LGALS8: variants seen among roughly 807,000 people sequenced by gnomAD.
The protein encoded by LGALS8 is galectin-8.
In LGALS8, 30 loss-of-function variants were observed where a neutral mutation model predicts 35.9. The observed-to-expected ratio is 0.83, with a 90% confidence interval of 0.62 to 1.13. The LOEUF (loss-of-function observed/expected upper bound fraction) is 1.13, where lower values mean the gene tolerates loss of function less well. Among genes scored for constraint, LGALS8 ranks in the 50% most tolerant of loss-of-function variants. The pLI is 0.00. For missense variants in LGALS8, 366 were observed against 388.7 expected (o/e 0.94, Z 0.49); for synonymous variants, 138 against 136.1 (o/e 1.01, Z -0.10).
chr1:236,523,733 T>C (rs149155226), upstream of LGALS8: 192 of 276,166 alleles, frequency 7.0e-4, no homozygotes, highest in Admixed American at 1.4e-3. Flanking sequence ...ACACATTCTT[T>C]GTCCTTATCC....
chr1:236,540,560 C>G lies in LGALS8; in HGVS notation c.346-4C>G, dbSNP rs1027437486. ...GGGGGGCTCTGTCTTCTGTATCTCT[C>G]TAGGTGGCTGTAAATGGAAAACATA... On this transcript the variant is annotated splice_region_variant and splice_polypyrimidine_tract_variant and intron_variant, in intron 4 of 9. Coordinates refer to ENST00000366584, the MANE Select transcript of LGALS8 (RefSeq NM_201544.4). 1.4e-5 allele frequency: 23 copies of G among 1,595,516 alleles called. No homozygotes were observed. The highest frequency in any genetic ancestry group is 2.0e-5 in the Non-Finnish European group (23 of 1,171,898).
intron 8 of LGALS8, among the ~76,000 whole-genome samples, chr1:236,544,243 G>A (rs913918272): frequency 3.9e-5 from 6 of 152,282 alleles, no homozygotes; most frequent in South Asian, 2.1e-4. Context: ...GAGTCACCAC[G>A]CCCAGCCCAG....
At position 236,540,663 on chromosome 1, in the gene LGALS8, A is replaced by G. The variant is rs749647686; in HGVS notation, c.445A>G (p.Ile149Val). 8.1e-6 allele frequency: 13 copies of G among 1,610,826 alleles called. No homozygotes were observed. Among genetic ancestry groups the G allele is most frequent in the East Asian group, 2.2e-5 (1 of 44,710 alleles). ...GIYGKVNIHS[I>V]GFSFSSDLQS... The stretch of plus-strand genomic sequence containing the variant: ...TTATGGCAAAGTGAATATTCACTCA[A>G]TTGGTTTTAGCTTCAGCTCGGTGAG... Residue 149 changes from isoleucine (I) to valine (V), a missense_variant, in exon 5 of 10, where the codon ATT becomes GTT. By Grantham distance (29) the Ile-to-Val change is conservative. Transcript: ENST00000366584.
At chr1:236,537,021 C>CTTTTTTT (rs60024224) in intron 2 of LGALS8, among the ~76,000 whole-genome samples, 7 of 137,848 alleles carry the variant, frequency 5.1e-5, no homozygotes, top group African/African-American at 2.0e-4. Context: ...TATGCAGTTC[C>CTTTTTTT]TTTTTTTTTT....
At chr1:236,524,744 TGGCAACTC>T (rs557253410) in intron 1 of LGALS8, 366 of 240,064 alleles carry the variant, frequency 1.5e-3, no homozygotes, top group African/African-American at 7.8e-3. Flanking sequence ...TACATGTGTA[TGGCAACTC>T]GGCATCCATT....
Position 236,551,121 on chromosome 1 carries a change from T to A in LGALS8, c.*2960T>A. On this transcript the variant is annotated 3_prime_UTR_variant, in exon 10 of 10. Coordinates refer to ENST00000366584, the MANE Select transcript of LGALS8 (RefSeq NM_201544.4). ...ATCAAAAGAGTGAAATGAAGCACAT[T>A]AACAAAGCAGGAGGCGCCACGGACC... 1 of 734,694 alleles carries A rather than the reference T, an allele frequency of 1.4e-6. No homozygotes were observed. The highest frequency in any genetic ancestry group is 2.1e-6 in the Non-Finnish European group (1 of 466,694). 45.5% of individuals were successfully genotyped at this position (734,694 alleles called of 1,614,324 possible).
chr1:236,544,653 A>G (rs1258554157), intron 8 of LGALS8, 97 bp from the exon 9 acceptor site: 1 of 891,220 alleles, frequency 1.1e-6, no homozygotes, highest in Non-Finnish European at 1.7e-6. Flanking sequence ...TAGAGTTAGA[A>G]TCATAGTTCA....
Position 236,540,552 on chromosome 1 carries a change from G to A in LGALS8, c.346-12G>A. ...GGTGGCGGGGGGGGCTCTGTCTTCT[G>A]TATCTCTCTAGGTGGCTGTAAATGG... On this transcript the variant is annotated splice_polypyrimidine_tract_variant and intron_variant, in intron 4 of 9. Transcript: ENST00000366584. 1.3e-6 allele frequency: 2 copies of A among 1,549,076 alleles called. No individual in the cohort carries two copies. The highest frequency in any genetic ancestry group is 2.1e-5 in the Admixed American group (1 of 48,460).
chr1:236,528,820 C>G (rs1213510824), intron 2 of LGALS8, among the ~76,000 whole-genome samples: 2 of 152,120 alleles, frequency 1.3e-5, no homozygotes. Flanking sequence ...CATGCCTGGC[C>G]TATTTCTAAT....
At chr1:236,519,704 G>A (rs953063019), upstream of LGALS8, among the ~76,000 whole-genome samples, 1 of 152,092 alleles carries the variant, frequency 6.6e-6, no homozygotes, top group Non-Finnish European at 1.5e-5. Context: ...TTCTTTGGGG[G>A]AAAAAGTTCC....
At chr1:236,540,417 C>T (rs1216519810) in intron 4 of LGALS8, 147 bp from the exon 5 acceptor site, 18 of 838,228 alleles carry the variant, frequency 2.1e-5, no homozygotes, top group Admixed American at 3.8e-5. Context: ...TGGGTGCTTT[C>T]GGTTACCATT....
At chr1:236,530,340 C>G (rs1428162226) in intron 2 of LGALS8, among the ~76,000 whole-genome samples, 10 of 152,162 alleles carry the variant, frequency 6.6e-5, no homozygotes, top group Non-Finnish European at 2.9e-5. Flanking sequence ...TGTGAGATAC[C>G]TTCTAGCCTT....
chr1:236,531,777 C>T (rs1406013314), intron 2 of LGALS8, among the ~76,000 whole-genome samples: 3 of 152,192 alleles, frequency 2.0e-5, no homozygotes, highest in Non-Finnish European at 4.4e-5. Flanking sequence ...TTTCTCTTCT[C>T]ACCCCATGTT....
chr1:236,518,229 T>C (rs1267884067), upstream of LGALS8: 1 of 152,154 alleles, frequency 6.6e-6, no homozygotes. Flanking sequence ...TCTAGAAGCT[T>C]GTTTCTCCCA....
Position 236,526,308 on chromosome 1 carries a change from G to T in LGALS8, c.45+193G>T. 2.2e-6 allele frequency: 1 copy of T among 458,400 alleles called. No individual in the cohort carries two copies. Among genetic ancestry groups the T allele is most frequent in the Non-Finnish European group, 3.9e-6 (1 of 256,228 alleles). The allele number at this position is 458,400 out of a possible 1,614,324, so 28.4% of individuals were successfully genotyped here. On this transcript the variant is annotated intron_variant, in intron 2 of 9. Transcript: ENST00000366584. The surrounding 1 kb of genome is among the most constrained non-coding windows in gnomAD (Gnocchi z 4.6). ...CTCTAGTGGAGGAAGAAGTCACAAT[G>T]ATAATATGACGTGATGAAACAGTGT...
At chr1:236,543,242 TCC>T (rs758485350) in intron 7 of LGALS8, 42 of 631,638 alleles carry the variant, frequency 6.6e-5, no homozygotes, top group Non-Finnish European at 1.1e-4. Context: ...CTTGGCTGCT[TCC>T]CCTTCAGGCA....
intron 9 of LGALS8, 65 bp downstream of exon 9, chr1:236,544,980 G>A: frequency 7.7e-7 from 1 of 1,301,354 alleles, no homozygotes; most frequent in South Asian, 1.4e-5. Flanking sequence ...TGGGATAAGT[G>A]GTCCATTTAA....
upstream of LGALS8, among the ~76,000 whole-genome samples, chr1:236,520,105 C>T (rs772802998): frequency 7.2e-5 from 11 of 151,824 alleles, no homozygotes; most frequent in East Asian, 1.9e-4. Flanking sequence ...TACAGGCATG[C>T]GCCACAAGGC....
At chr1:236,533,813 G>T (rs1043202591) in intron 2 of LGALS8, among the ~76,000 whole-genome samples, 3 of 152,148 alleles carry the variant, frequency 2.0e-5, no homozygotes, top group Non-Finnish European at 4.4e-5. Flanking sequence ...CAAGCATACT[G>T]TAGGACGGTT....
Sources: allele counts gnomAD v4.1 joint callset (sites outside exome capture counted in the v4.1 genomes callset), GRCh38; gene constraint gnomAD v4.1.1; non-coding constraint Gnocchi (gnomAD v3.1); transcripts MANE v1.5; gene names NCBI Gene and HGNC (gene_info 2026-07-23, HGNC 2026-07-21).